GALNT11: variants seen among roughly 807,000 people sequenced by gnomAD.
GALNT11 encodes the protein polypeptide N-acetylgalactosaminyltransferase 11.
In GALNT11, 47 loss-of-function variants were observed where a neutral mutation model predicts 72.7. That is an observed-to-expected ratio of 0.65 (90% CI 0.51 to 0.82). The LOEUF is 0.82. GALNT11 is among the 40% of genes least tolerant of loss of function. The pLI is 0.00. For missense variants in GALNT11, 677 were observed against 778.4 expected, an observed-to-expected ratio of 0.87 and a Z score of 1.55; for synonymous variants, 270 against 286.6, an observed-to-expected ratio of 0.94 and a Z score of 0.58.
At chr7:152,101,843 A>T (rs1348223473) in intron 3 of GALNT11, among the ~76,000 whole-genome samples, 1 of 152,130 alleles carries the variant, frequency 6.6e-6, no homozygotes. Context: ...CATGTTGGCC[A>T]GGCTGGTCTC....
chr7:152,099,378 ATTTATTTT>A, intron 2 of GALNT11, among the ~76,000 whole-genome samples: 1 of 146,158 alleles, frequency 6.8e-6, no homozygotes, highest in African/African-American at 2.7e-5. Flanking sequence ...TTATTTATTT[ATTTATTTT>A]GAGACAAAGT....
In GALNT11 at chr7:152,073,059, A is replaced by G. The variant is rs144862606; in HGVS notation, c.-38-21131A>G. 3.5e-3 allele frequency among the ~76,000 whole-genome samples: 537 copies of G among 152,316 alleles called. 10 individuals are homozygous for G. In the East Asian group the frequency reaches 0.037, roughly 10 times the overall value. Reference sequence around the variant, plus strand: ...ATAATTGTGTATATTTATGGGGTACATAGTGATGTTTCTATATACGTAACG... The same window carrying G: ...ATAATTGTGTATATTTATGGGGTACGTAGTGATGTTTCTATATACGTAACG... On this transcript the variant is annotated intron_variant, in intron 1 of 11. Coordinates refer to ENST00000430044, the MANE Select transcript of GALNT11 (RefSeq NM_022087.4).
chr7:152,120,048 A>ACTTAGTTATGCTTATTG (rs1203178152), intron 10 of GALNT11: 3 of 152,216 alleles, frequency 2.0e-5, no homozygotes, highest in African/African-American at 4.8e-5. Context: ...TCTAAGGCTA[A>ACTTAGTTATGCTTATTG]CTTAGTTATG....
At position 152,025,786 on chromosome 7, in the gene GALNT11, C is replaced by A. The variant is rs1368690277; in HGVS notation, c.-137C>A. ...GCTGCTGGGCCCCGGGGCAGTTCAG[C>A]CCGCGCCGCTCCTGCGGGTCGGACT... is the stretch of plus-strand genomic sequence containing the variant. On this transcript the variant is annotated 5_prime_UTR_variant, in exon 1 of 12. Transcript: ENST00000430044. The A allele has an allele frequency of 2.6e-5, 5 of 194,358 alleles. No homozygotes were observed. Among genetic ancestry groups the A allele is most frequent in the Non-Finnish European group, 5.7e-5 (5 of 88,234 alleles). The allele number at this position is 194,358 out of a possible 1,614,324, so 12.0% of individuals were successfully genotyped here.
chr7:152,038,778 A>T (rs960011705), intron 1 of GALNT11, among the ~76,000 whole-genome samples: 5 of 152,224 alleles, frequency 3.3e-5, no homozygotes, highest in Non-Finnish European at 7.3e-5. Flanking sequence ...GTTTTTCTCC[A>T]TTTGAATAGG....
intron 1 of GALNT11, among the ~76,000 whole-genome samples, chr7:152,054,436 A>AT (rs771169347): frequency 5.3e-4 from 61 of 114,998 alleles, no homozygotes; most frequent in Admixed American, 1.5e-3. Flanking sequence ...TGATCTTTCC[A>AT]TTTTTTTTAA....
rs530202515 is a variant in GALNT11 at position 152,043,031 on chromosome 7, A to G, written c.-39+17147A>G. Among the ~76,000 whole-genome samples, 11 of 152,284 alleles carry G rather than the reference A, an allele frequency of 7.2e-5. No homozygotes were observed. The East Asian group carries it at 1.7e-3, about 24-fold the overall frequency. On this transcript the variant is annotated intron_variant, in intron 1 of 11. Coordinates refer to ENST00000430044, the MANE Select transcript of GALNT11 (RefSeq NM_022087.4). ...TATTTATCAGTAATTTGATTCACCT[A>G]ATAAGCTGCTTTGCCTTGTTTATTT...
At position 152,117,476 on chromosome 7, in the gene GALNT11, G is replaced by C. The variant is rs1272976809; in HGVS notation, c.1452+101G>C. 7.1e-6 allele frequency: 8 copies of C among 1,124,208 alleles called. No individual in the cohort carries two copies. In the Admixed American group the frequency reaches 1.5e-4, roughly 20 times the overall value. The allele number at this position is 1,124,208 out of a possible 1,614,324, so 69.6% of individuals were successfully genotyped here. A position where few individuals can be genotyped will look rare whatever the true frequency, so the allele number is the denominator to read the frequency against. On this transcript the variant is annotated intron_variant, in intron 9 of 11. Coordinates refer to ENST00000430044, the MANE Select transcript of GALNT11 (RefSeq NM_022087.4). ...GACAGGTGACACTGTGGACTTAACA[G>C]AGTGTAATGACAGGCTTCAGCTTGC...
At chr7:152,066,510 T>C (rs1300781933) in intron 1 of GALNT11, among the ~76,000 whole-genome samples, 1 of 152,164 alleles carries the variant, frequency 6.6e-6, no homozygotes, top group African/African-American at 2.4e-5. Context: ...AATGCAGAAA[T>C]CACCCGTCTT....
intron 1 of GALNT11, among the ~76,000 whole-genome samples, chr7:152,058,494 C>T (rs1403575373): frequency 1.3e-5 from 2 of 152,072 alleles, no homozygotes; most frequent in Non-Finnish European, 1.5e-5. Context: ...TCACCATACC[C>T]GGCTAATTTT....
At chr7:152,067,836 C>T (rs568497983) in intron 1 of GALNT11, among the ~76,000 whole-genome samples, 48 of 152,150 alleles carry the variant, frequency 3.2e-4, no homozygotes, top group African/African-American at 8.9e-4. Flanking sequence ...GCAGGCTTTA[C>T]GGGAAGCATG....
chr7:152,067,407 C>T (rs779386766), intron 1 of GALNT11, among the ~76,000 whole-genome samples: 7 of 151,904 alleles, frequency 4.6e-5, no homozygotes, highest in Non-Finnish European at 1.0e-4. Context: ...TATAGTCTGT[C>T]CTGTTTACTA....
At chr7:152,085,964 T>G (rs6974631) in intron 1 of GALNT11, among the ~76,000 whole-genome samples, 4,015 of 151,848 alleles carry the variant, frequency 0.026, 178 homozygotes, top group African/African-American at 0.093. Flanking sequence ...CTCGGCTCAC[T>G]GCAACCTCTG....
At chr7:152,088,856 A>C (rs546950741) in intron 1 of GALNT11, among the ~76,000 whole-genome samples, 7 of 152,302 alleles carry the variant, frequency 4.6e-5, no homozygotes, top group African/African-American at 1.7e-4. Context: ...ATTTGTAAAC[A>C]GTGCTCCTGT....
At chr7:152,054,930 A>C (rs1315678037) in intron 1 of GALNT11, among the ~76,000 whole-genome samples, 1 of 152,188 alleles carries the variant, frequency 6.6e-6, no homozygotes, top group African/African-American at 2.4e-5. Context: ...CACACACACA[A>C]ATGCACACGC....
chr7:152,116,198 G>A (rs992794808), intron 8 of GALNT11, among the ~76,000 whole-genome samples: 5 of 152,240 alleles, frequency 3.3e-5, no homozygotes, highest in Admixed American at 2.0e-4. Context: ...TTACAAAAAC[G>A]GGTGGAAGAT....
At chr7:152,119,472 G>A (rs1369015168) in intron 10 of GALNT11, 1 of 152,182 alleles carries the variant, frequency 6.6e-6, no homozygotes, top group Non-Finnish European at 1.5e-5. Flanking sequence ...GGGCTTTTGG[G>A]TAAATAATGT....
At chr7:152,058,891 A>T (rs1265432097) in intron 1 of GALNT11, among the ~76,000 whole-genome samples, 1 of 152,082 alleles carries the variant, frequency 6.6e-6, no homozygotes. Flanking sequence ...TTGCACATCC[A>T]TATCTTCCGT....
intron 10 of GALNT11, 50 bp downstream of exon 10, chr7:152,118,832 G>T (rs2129076405): frequency 6.9e-7 from 1 of 1,454,226 alleles, no homozygotes; most frequent in East Asian, 2.3e-5. Context: ...GAGGCTTCCA[G>T]TGTAGGGAAG....
Sources: allele counts gnomAD v4.1 joint callset (sites outside exome capture counted in the v4.1 genomes callset), GRCh38; gene constraint gnomAD v4.1.1; transcripts MANE v1.5; gene names NCBI Gene and HGNC (gene_info 2026-07-23, HGNC 2026-07-21).